Variants in VRK3 observed in about 807,000 individuals in gnomAD.
The protein encoded by VRK3 is VRK serine/threonine kinase 3, also known as serine/threonine-protein kinase VRK3.
In VRK3, 50 loss-of-function variants were observed where a neutral mutation model predicts 60.4. That is an observed-to-expected ratio of 0.83 (90% CI 0.66 to 1.05). VRK3 has a LOEUF of 1.05. Ranked by LOEUF, VRK3 falls within the 50% of genes least tolerant of loss-of-function variation. The pLI, the probability that VRK3 is intolerant of heterozygous loss-of-function variation, is 0.00. For synonymous variants in VRK3, 246 were observed against 227.8 expected (o/e 1.08, Z -0.72); for missense variants, 549 against 585.3 (o/e 0.94, Z 0.64).
At chr19:49,989,052 G>A (rs891758693) in intron 11 of VRK3, among the ~76,000 whole-genome samples, 7 of 152,194 alleles carry the variant, frequency 4.6e-5, no homozygotes, top group Non-Finnish European at 7.3e-5. Flanking sequence ...CTACTTGTCC[G>A]TGCTGGCCTT....
chr19:50,015,418 C>T (rs2067869793), intron 3 of VRK3, among the ~76,000 whole-genome samples: 1 of 152,062 alleles, frequency 6.6e-6, no homozygotes. Context: ...AAGCAATTCT[C>T]CTGCCTCAGA....
chr19:49,989,658 C>T lies in VRK3; in HGVS notation c.1077G>A (p.Met359Ile). The T allele has an allele frequency of 6.2e-7, 1 of 1,613,124 alleles. No individual in the cohort carries two copies. The highest frequency in any genetic ancestry group is 1.1e-5 in the South Asian group (1 of 90,852). The change falls in exon 11 of 15, where the codon ATG (methionine) becomes ATA (isoleucine). Residue 359 changes from methionine to isoleucine, a missense_variant. Physicochemically the swap from Met to Ile is conservative, Grantham distance 10. Coordinates refer to ENST00000316763, the MANE Select transcript of VRK3 (RefSeq NM_016440.4). ...TCGTACCGCATCCCTTGTGCAGGTC[C>T]ATGCTAATGAACTCAAGGTCCCCCT... ...PHEGDLEFIS[M>I]DLHKGCGPSR...
chr19:50,005,857 T>C (rs952439966), intron 5 of VRK3, among the ~76,000 whole-genome samples: 1 of 149,624 alleles, frequency 6.7e-6, no homozygotes, highest in Admixed American at 6.6e-5. Flanking sequence ...TGGCTGCCAG[T>C]GGACTGGGGG....
chr19:50,008,777 G>A (rs968718573), intron 4 of VRK3: 1 of 153,680 alleles, frequency 6.5e-6, no homozygotes, highest in African/African-American at 2.4e-5. Flanking sequence ...CGAGCCTATG[G>A]CACTCAAGAG....
chr19:50,015,388 G>A (rs953597364), intron 3 of VRK3, among the ~76,000 whole-genome samples: 3 of 151,806 alleles, frequency 2.0e-5, no homozygotes, highest in Non-Finnish European at 2.9e-5. Flanking sequence ...GGCTCACTGC[G>A]ACCTCCGCCT....
intron 13 of VRK3, among the ~76,000 whole-genome samples, 183 bp downstream of exon 13, chr19:49,980,768 TTTTG>T (rs1246232379): frequency 6.7e-6 from 1 of 149,966 alleles, no homozygotes; most frequent in Non-Finnish European, 1.5e-5. Context: ...TGTGTTTTTG[TTTTG>T]TTTTTCAGAG....
chr19:50,007,707 G>A lies in VRK3; in HGVS notation c.409C>T (p.Pro137Ser), dbSNP rs1346032263. ...SCSPQKTRQSPQTLKRSRVTT... is the reference protein window; with the variant it reads ...SCSPQKTRQSSQTLKRSRVTT... ...ACTCGGCTCCGCTTCAGCGTCTGAGGGCTCTGCCTGGTCTTCTGAGGGCTA... is the reference window on the plus strand; with the variant it reads ...ACTCGGCTCCGCTTCAGCGTCTGAGAGCTCTGCCTGGTCTTCTGAGGGCTA... The change falls in exon 5 of 15, where the codon CCT becomes TCT. Residue 137 changes from proline (P) to serine (S), a missense_variant. Pro to Ser is a moderately conservative substitution (Grantham distance 74). Coordinates refer to ENST00000316763, the MANE Select transcript of VRK3 (RefSeq NM_016440.4). 6 of 1,614,046 alleles carry A rather than the reference G, an allele frequency of 3.7e-6. No homozygotes were observed. Among genetic ancestry groups the A allele is most frequent in the Non-Finnish European group, 4.2e-6 (5 of 1,180,038 alleles).
rs2076554553 is a variant in VRK3 at position 49,988,472 on chromosome 19, G to A, written c.1117C>T (p.Leu373Phe). 5.0e-6 allele frequency: 8 copies of A among 1,613,496 alleles called. No individual in the cohort carries two copies. The highest frequency in any genetic ancestry group is 5.9e-6 in the Non-Finnish European group (7 of 1,179,634). Residue 373 changes from leucine to phenylalanine, a missense_variant, in exon 12 of 15, where the codon CTC (leucine) becomes TTC (phenylalanine). Physicochemically the swap from Leu to Phe is conservative, Grantham distance 22. Transcript: ENST00000316763. Reference protein sequence around the residue: ...KGCGPSRRSDLQSLGYCMLKW... With the variant: ...KGCGPSRRSDFQSLGYCMLKW... ...AGCATGCAGTAGCCCAGGCTCTGGA[G>A]GTCGCTGCGGCGGGAGGGCCCTGGG...
Position 49,997,561 on chromosome 19 carries a change from C to A in VRK3, c.622G>T (p.Asp208Tyr), listed in dbSNP as rs772439444. The A allele has an allele frequency of 3.7e-6, 6 of 1,613,806 alleles. No homozygotes were observed. Among genetic ancestry groups the A allele is most frequent in the Non-Finnish European group, 5.1e-6 (6 of 1,179,898 alleles). Residue 208 changes from aspartate (D) to tyrosine (Y), a missense_variant, in exon 7 of 15, where the codon GAT becomes TAT. Transcript: ENST00000316763. ...QKFSLKLDAK[D>Y]GRLFNEQNFF... is the part of the protein sequence containing the mutation. The stretch of plus-strand genomic sequence containing the variant: ...TTCTGCTCATTGAACAAGCGCCCAT[C>A]CTTGGCATCCTGGTGGGGGACAGGA...
chr19:50,012,994 C>A (rs1038494125), intron 3 of VRK3, among the ~76,000 whole-genome samples: 1 of 151,922 alleles, frequency 6.6e-6, no homozygotes, highest in Non-Finnish European at 1.5e-5. Flanking sequence ...GGTGAAACCC[C>A]GCCTCTACTA....
chr19:50,024,636 C>A (rs1013648472), intron 1 of VRK3, among the ~76,000 whole-genome samples: 19 of 152,270 alleles, frequency 1.2e-4, no homozygotes, highest in African/African-American at 4.3e-4. Flanking sequence ...TAGACTAGCA[C>A]CGTTCAAACC....
intron 1 of VRK3, among the ~76,000 whole-genome samples, chr19:50,023,598 C>T (rs570899194): frequency 1.4e-4 from 22 of 152,346 alleles, no homozygotes; most frequent in African/African-American, 4.3e-4. Context: ...TTCATGATGG[C>T]GGGGACTTTT....
At chr19:49,987,462 G>C (rs971124895) in intron 12 of VRK3, among the ~76,000 whole-genome samples, 1 of 152,154 alleles carries the variant, frequency 6.6e-6, no homozygotes, top group Non-Finnish European at 1.5e-5. Context: ...AATGCCCTTA[G>C]TGTTCAATCT....
chr19:49,976,997 A>G (rs2076341471), intron 14 of VRK3, among the ~76,000 whole-genome samples: 1 of 152,234 alleles, frequency 6.6e-6, no homozygotes, highest in African/African-American at 2.4e-5. Flanking sequence ...GCTTCCCTCC[A>G]GATGGGAACA....
At chr19:49,988,802 A>G (rs1309163748) in intron 11 of VRK3, among the ~76,000 whole-genome samples, 1 of 152,078 alleles carries the variant, frequency 6.6e-6, no homozygotes, top group African/African-American at 2.4e-5. Flanking sequence ...ACTTCTGAAA[A>G]CCCAGACCAG....
At chr19:50,002,673 C>T (rs1320784466) in intron 5 of VRK3, among the ~76,000 whole-genome samples, 1 of 152,178 alleles carries the variant, frequency 6.6e-6, no homozygotes, top group East Asian at 1.9e-4. Flanking sequence ...GGAAAGCTAG[C>T]TGGGCAATTT....
chr19:49,979,099 G>A lies in VRK3; in HGVS notation c.1420C>T (p.Pro474Ser). Reference sequence around the variant, plus strand: ...TCTTCCCACCTGGATTCCACCTAGGGCACCATCGGGAGGCCAATGGGGTCA... The same window carrying A: ...TCTTCCCACCTGGATTCCACCTAGGACACCATCGGGAGGCCAATGGGGTCA... ...PYDPIGLPMV[P>S] The change falls in exon 14 of 15, where the codon CCC becomes TCC. Residue 474 changes from proline (P) to serine (S), a missense_variant. Transcript: ENST00000316763. The A allele has an allele frequency of 6.2e-7, 1 of 1,607,506 alleles. No individual in the cohort carries two copies. Among genetic ancestry groups the A allele is most frequent in the Non-Finnish European group, 8.5e-7 (1 of 1,175,608 alleles).
At chr19:50,003,820 T>A (rs1359123937) in intron 5 of VRK3, among the ~76,000 whole-genome samples, 2 of 152,264 alleles carry the variant, frequency 1.3e-5, no homozygotes, top group Non-Finnish European at 1.5e-5. Flanking sequence ...AAGCTCCGCA[T>A]CAGCAGGGCC....
chr19:50,009,378 C>T lies in VRK3; in HGVS notation c.147G>A (p.Lys49=), dbSNP rs1005292439. ...TTTCAAAACTGGAGTTCAGCCCTCT[C>T]TTTGAGCCTAAAGAAAGGCAGACAA... ...NPHVSSFQGS[K]RGLNSSFETS... is the part of the protein sequence containing the mutation. The change falls in exon 4 of 15, where the codon AAG becomes AAA. Residue 49 remains lysine, a synonymous_variant. Coordinates refer to ENST00000316763, the MANE Select transcript of VRK3 (RefSeq NM_016440.4). 6.2e-7 allele frequency: 1 copy of T among 1,613,508 alleles called. No individual in the cohort carries two copies. Among genetic ancestry groups the T allele is most frequent in the Non-Finnish European group, 8.5e-7 (1 of 1,179,818 alleles).
Sources: allele counts gnomAD v4.1 joint callset (sites outside exome capture counted in the v4.1 genomes callset), GRCh38; gene constraint gnomAD v4.1.1; transcripts MANE v1.5; gene names NCBI Gene and HGNC (gene_info 2026-07-23, HGNC 2026-07-21).